The following BLTP1 variants were observed in gnomAD, a reference collection of about 807,000 sequenced individuals.
BLTP1 encodes the protein fragile site-associated protein.
the BLTP1 span, chr4:122,286,271 A>G: frequency 5.0e-6 from 1 of 198,678 alleles, no homozygotes; most frequent in Non-Finnish European, 9.0e-6. Flanking sequence ...TGAAATAAAG[A>G]ACATAAGTGT....
chr4:122,284,044 T>A, the BLTP1 span, among the ~76,000 whole-genome samples: 2 of 152,192 alleles, frequency 1.3e-5, no homozygotes, highest in Non-Finnish European at 2.9e-5. Flanking sequence ...CAAGATGTAT[T>A]TATTTATTAA....
chr4:122,177,931 C>G, the BLTP1 span: 1 of 162,732 alleles, frequency 6.1e-6, no homozygotes, highest in Admixed American at 6.5e-5. Flanking sequence ...GTGGAATCTA[C>G]CTAACTTGAA....
chr4:122,274,398 T>G, the BLTP1 span: 12 of 1,606,492 alleles, frequency 7.5e-6, 1 homozygote, highest in Middle Eastern at 1.7e-4. Flanking sequence ...TTGGTGGGGT[T>G]AATATTGTGC....
the BLTP1 span, chr4:122,152,408 C>T: frequency 1.0e-6 from 1 of 985,736 alleles, no homozygotes; most frequent in East Asian, 1.1e-4. Context: ...CGGCCAGGGT[C>T]TGGACCTGGG....
At chr4:122,190,500 G>C in the BLTP1 span, 2 of 859,550 alleles carry the variant, frequency 2.3e-6, no homozygotes, top group Middle Eastern at 6.0e-4. Context: ...ATCAGGAAAT[G>C]GTAAATGTAG....
chr4:122,229,323 A>T, the BLTP1 span: 5 of 1,118,618 alleles, frequency 4.5e-6, no homozygotes, highest in Non-Finnish European at 6.1e-6. Context: ...ACACACATTT[A>T]TAGTTTGTCA....
At chr4:122,175,873 T>G in the BLTP1 span, 2 of 1,580,308 alleles carry the variant, frequency 1.3e-6, no homozygotes, top group African/African-American at 2.7e-5. Context: ...TTCATCATTT[T>G]TCGGTGGTGG....
chr4:122,187,372 C>A, the BLTP1 span: 1 of 1,597,532 alleles, frequency 6.3e-7, no homozygotes. Context: ...AGGAAGTGAA[C>A]TATGTCCTCA....
chr4:122,339,038 A>G, the BLTP1 span: 1 of 284,488 alleles, frequency 3.5e-6, no homozygotes, highest in Non-Finnish European at 5.3e-6. Context: ...AAATTTCTTA[A>G]CTTTCCTGTA....
the BLTP1 span, among the ~76,000 whole-genome samples, chr4:122,285,108 C>T: frequency 3.9e-5 from 6 of 152,122 alleles, no homozygotes; most frequent in Admixed American, 2.6e-4. Context: ...CATTTGGTCA[C>T]TTATTCAGGG....
At chr4:122,342,783 C>G in the BLTP1 span, among the ~76,000 whole-genome samples, 1 of 152,168 alleles carries the variant, frequency 6.6e-6, no homozygotes, top group Non-Finnish European at 1.5e-5. Flanking sequence ...AATAGGAGGT[C>G]AAGTAGGCAG....
At chr4:122,228,070 C>T in the BLTP1 span, among the ~76,000 whole-genome samples, 1 of 151,832 alleles carries the variant, frequency 6.6e-6, no homozygotes, top group Non-Finnish European at 1.5e-5. Flanking sequence ...CCCACCACCA[C>T]GCCCGGCTAA....
the BLTP1 span, chr4:122,359,931 T>C: frequency 2.0e-6 from 2 of 985,366 alleles, no homozygotes; most frequent in Admixed American, 6.1e-5. Flanking sequence ...TGAGAATAGC[T>C]CAGCACTGAT....
chr4:122,349,812 T>C, the BLTP1 span: 57 of 1,595,192 alleles, frequency 3.6e-5, no homozygotes, highest in Middle Eastern at 1.7e-4. This position sits in a 1 kb window ranked among gnomAD's most constrained non-coding sequence, Gnocchi z 4.5. Flanking sequence ...ACTTTTTGAG[T>C]ATCTGCTGTA....
At chr4:122,185,205 G>C in the BLTP1 span, 1 of 982,872 alleles carries the variant, frequency 1.0e-6, no homozygotes, top group Non-Finnish European at 1.2e-6. Flanking sequence ...TAAAATCAGA[G>C]TTTTGTAAAC....
chr4:122,214,543 C>T, the BLTP1 span: 1 of 956,332 alleles, frequency 1.0e-6, no homozygotes, highest in East Asian at 1.2e-4. Context: ...TAAAAGTTTG[C>T]CGTAATGTAT....
At chr4:122,282,556 C>T in the BLTP1 span, among the ~76,000 whole-genome samples, 3 of 152,106 alleles carry the variant, frequency 2.0e-5, no homozygotes, top group Admixed American at 6.5e-5. Flanking sequence ...GCAGGAGAAT[C>T]GCTTGAATCC....
the BLTP1 span, chr4:122,276,060 C>A: frequency 6.7e-7 from 1 of 1,492,278 alleles, no homozygotes; most frequent in Non-Finnish European, 9.0e-7. Flanking sequence ...TTTGTAATTA[C>A]TGTAGTATTG....
At chr4:122,321,604 A>G in the BLTP1 span, among the ~76,000 whole-genome samples, 1 of 152,040 alleles carries the variant, frequency 6.6e-6, no homozygotes, top group Non-Finnish European at 1.5e-5. Context: ...TATTATTTTG[A>G]ACAAACTTAC....
Sources: allele counts gnomAD v4.1 joint callset (sites outside exome capture counted in the v4.1 genomes callset), GRCh38; gene constraint gnomAD v4.1.1; non-coding constraint Gnocchi (gnomAD v3.1); transcripts MANE v1.5; gene names NCBI Gene and HGNC (gene_info 2026-07-23, HGNC 2026-07-21).